JAK2: variants seen among roughly 807,000 people sequenced by gnomAD.
JAK2 encodes the protein Janus kinase 2, also known as tyrosine-protein kinase JAK2.
A neutral mutation model predicts 139.3 loss-of-function variants in JAK2; 86 were observed. The observed-to-expected ratio is 0.62, with a 90% CI of 0.52 to 0.74. The LOEUF (loss-of-function observed/expected upper bound fraction) is 0.74. Among genes scored for constraint, JAK2 ranks in the 30% least tolerant of loss-of-function variants. The pLI, the probability that JAK2 is intolerant of heterozygous loss-of-function variation, is 0.00. For missense variants in JAK2, 1,421 were observed against 1,360.3 expected, an observed-to-expected ratio of 1.04 and a Z score of -0.70; for synonymous variants, 490 against 437.7, an observed-to-expected ratio of 1.12 and a Z score of -1.49.
At chr9:5,124,958 G>A in intron 23 of JAK2, among the ~76,000 whole-genome samples, 1 of 151,352 alleles carries the variant, frequency 6.6e-6, no homozygotes, top group East Asian at 1.9e-4. Flanking sequence ...AGGGGATATT[G>A]GGAAGCTAGT....
chr9:5,020,609 T>A (rs1822354344), intron 2 of JAK2, among the ~76,000 whole-genome samples: 1 of 152,138 alleles, frequency 6.6e-6, no homozygotes, highest in African/African-American at 2.4e-5. Context: ...GTAGATGTGA[T>A]GAAGCTGTAC....
chr9:5,043,793 C>T (rs1344830387), intron 4 of JAK2, among the ~76,000 whole-genome samples: 1 of 152,174 alleles, frequency 6.6e-6, no homozygotes, highest in Non-Finnish European at 1.5e-5. Context: ...ATGATACATG[C>T]TCTAATGTGG....
intron 2 of JAK2, among the ~76,000 whole-genome samples, chr9:5,018,946 C>G (rs1223779426): frequency 1.3e-5 from 2 of 152,096 alleles, no homozygotes; most frequent in Admixed American, 1.3e-4. Flanking sequence ...AGAATTCTCT[C>G]TTTGTCTTTG....
At chr9:5,093,400 A>T (rs910487467) in intron 22 of JAK2, among the ~76,000 whole-genome samples, 1 of 152,176 alleles carries the variant, frequency 6.6e-6, no homozygotes, top group Non-Finnish European at 1.5e-5. Flanking sequence ...CTTGTTCCCT[A>T]AATAGGGACT....
At chr9:5,000,991 G>A (rs370933334) in intron 2 of JAK2, among the ~76,000 whole-genome samples, 16 of 152,174 alleles carry the variant, frequency 1.1e-4, no homozygotes, top group African/African-American at 3.6e-4. Context: ...CAAAAATACA[G>A]AATAAAAAGA....
At chr9:5,117,676 T>C (rs1297694629) in intron 22 of JAK2, among the ~76,000 whole-genome samples, 1 of 83,804 alleles carries the variant, frequency 1.2e-5, no homozygotes, top group African/African-American at 5.2e-5. Flanking sequence ...AATAAATTAA[T>C]AAATATTTTT....
chr9:5,063,088 G>A (rs1459920149), intron 8 of JAK2, among the ~76,000 whole-genome samples: 1 of 152,040 alleles, frequency 6.6e-6, no homozygotes, highest in Non-Finnish European at 1.5e-5. Flanking sequence ...CATGTCACAT[G>A]CTTGTCTCTT....
chr9:5,055,965 C>T (rs1006979237), intron 8 of JAK2, among the ~76,000 whole-genome samples, 177 bp downstream of exon 8: 6 of 151,996 alleles, frequency 3.9e-5, no homozygotes, highest in African/African-American at 1.4e-4. Context: ...GTATTACTAT[C>T]AACACCATCT....
intron 2 of JAK2, among the ~76,000 whole-genome samples, chr9:5,020,367 G>T (rs974380860): frequency 6.6e-6 from 1 of 152,158 alleles, no homozygotes; most frequent in African/African-American, 2.4e-5. Flanking sequence ...ACGTGGGAGT[G>T]GGGTGCTGAG....
At chr9:5,029,491 GA>G (rs1252242190) in intron 3 of JAK2, among the ~76,000 whole-genome samples, 1 of 152,166 alleles carries the variant, frequency 6.6e-6, no homozygotes, top group African/African-American at 2.4e-5. Flanking sequence ...GGTGCTGACA[GA>G]CTTACTAGAT....
chr9:5,100,843 C>T (rs1297310283), intron 22 of JAK2: 1 of 152,342 alleles, frequency 6.6e-6, no homozygotes, highest in East Asian at 1.9e-4. Flanking sequence ...CACAGGCTTT[C>T]ATGGATTTCA....
intron 4 of JAK2, chr9:5,041,520 C>T (rs1816511377): frequency 3.6e-6 from 2 of 553,554 alleles, no homozygotes; most frequent in African/African-American, 1.9e-5. Flanking sequence ...GCGCGCCACG[C>T]CCATCGAAGT....
intron 5 of JAK2, among the ~76,000 whole-genome samples, chr9:5,045,748 T>C (rs989865308): frequency 1.3e-5 from 2 of 152,212 alleles, no homozygotes; most frequent in Non-Finnish European, 2.9e-5. Flanking sequence ...TGCCAGAATT[T>C]CTTTCCTTTT....
At chr9:5,085,687 C>T in intron 19 of JAK2, 5 of 739,906 alleles carry the variant, frequency 6.8e-6, no homozygotes, top group Non-Finnish European at 1.3e-5. Flanking sequence ...TTATCAATAA[C>T]GTCATCGTGA....
At chr9:5,085,370 C>T (rs931226548) in intron 19 of JAK2, 9 of 904,740 alleles carry the variant, frequency 9.9e-6, no homozygotes, top group African/African-American at 8.2e-5. Context: ...TAGGTGATCT[C>T]ATGCACCACT....
intron 8 of JAK2, among the ~76,000 whole-genome samples, chr9:5,061,528 C>A (rs1025588770): frequency 3.9e-5 from 6 of 152,230 alleles, no homozygotes; most frequent in African/African-American, 1.4e-4. Context: ...TAGCTTCCAA[C>A]TTTTCTTCTG....
intron 8 of JAK2, among the ~76,000 whole-genome samples, chr9:5,057,450 T>G (rs1458858967): frequency 6.6e-6 from 1 of 152,140 alleles, no homozygotes; most frequent in Non-Finnish European, 1.5e-5. Context: ...AGTTTAGTAG[T>G]GTTAAGTATA....
intron 7 of JAK2, among the ~76,000 whole-genome samples, 170 bp from the exon 8 acceptor site, chr9:5,055,499 A>G (rs1817699656): frequency 6.6e-6 from 1 of 152,040 alleles, no homozygotes; most frequent in South Asian, 2.1e-4. Flanking sequence ...AAGATACAGC[A>G]TAGTCTTAGG....
chr9:5,022,410 C>G (rs1341689005), intron 3 of JAK2, among the ~76,000 whole-genome samples, 197 bp downstream of exon 3: 2 of 151,904 alleles, frequency 1.3e-5, no homozygotes, highest in Non-Finnish European at 1.5e-5. Flanking sequence ...GGCTAGGTAT[C>G]AAAACAAATT....
Sources: allele counts gnomAD v4.1 joint callset (sites outside exome capture counted in the v4.1 genomes callset), GRCh38; gene constraint gnomAD v4.1.1; transcripts MANE v1.5; gene names NCBI Gene and HGNC (gene_info 2026-07-23, HGNC 2026-07-21).